The following PTPRM variants were observed in gnomAD, a reference collection of about 807,000 sequenced individuals.
The protein encoded by PTPRM is receptor-type tyrosine-protein phosphatase mu.
A neutral mutation model predicts 186.7 loss-of-function variants in PTPRM; 47 were observed. The ratio of observed to expected loss-of-function variants is 0.25; its 90% CI spans 0.20 to 0.32. The LOEUF (loss-of-function observed/expected upper bound fraction) is 0.32. PTPRM is among the 10% of genes least tolerant of loss of function. PTPRM has a pLI of 1.00. For missense variants in PTPRM, 1,494 were observed against 1,865.0 expected (o/e 0.80, Z 3.66); for synonymous variants, 668 against 674.9 (o/e 0.99, Z 0.16).
chr18:8,393,565 C>T lies in PTPRM; in HGVS notation c.4209-911C>T, dbSNP rs1011826541. ...TGGAGGAACTAGTAAGATGTGACTA[C>T]AGTCTGTGGTTTAGTTAATAGTATT... is the stretch of plus-strand genomic sequence containing the variant. On this transcript the variant is annotated intron_variant, in intron 31 of 32. Transcript: ENST00000580170. Among the ~76,000 whole-genome samples, 3 of 152,164 alleles carry T rather than the reference C, an allele frequency of 2.0e-5. No homozygotes were observed. In the East Asian group the frequency reaches 5.8e-4, roughly 29 times the overall value.
chr18:8,070,707 TG>T (rs1220547355), intron 8 of PTPRM, among the ~76,000 whole-genome samples: 1 of 152,236 alleles, frequency 6.6e-6, no homozygotes, highest in African/African-American at 2.4e-5. Flanking sequence ...GGAACCCTTG[TG>T]TGTAATGACA....
intron 2 of PTPRM, among the ~76,000 whole-genome samples, chr18:7,790,083 C>G (rs1049897657): frequency 6.6e-5 from 10 of 152,128 alleles, no homozygotes; most frequent in African/African-American, 2.4e-4. Flanking sequence ...TGCTGTTGCC[C>G]CAGGTGACTT....
intron 1 of PTPRM, among the ~76,000 whole-genome samples, chr18:7,763,193 T>C (rs2041859324): frequency 6.6e-6 from 1 of 152,210 alleles, no homozygotes; most frequent in Non-Finnish European, 1.5e-5. Context: ...TGATTTGGAT[T>C]TTGGACACAC....
intron 1 of PTPRM, among the ~76,000 whole-genome samples, chr18:7,719,405 G>C (rs958073020): frequency 6.6e-6 from 1 of 152,040 alleles, no homozygotes; most frequent in Non-Finnish European, 1.5e-5. Flanking sequence ...GAGGGTGTGG[G>C]TGATAAAAGA....
chr18:8,129,284 A>G (rs1318575340), intron 13 of PTPRM, among the ~76,000 whole-genome samples: 1 of 152,206 alleles, frequency 6.6e-6, no homozygotes, highest in Non-Finnish European at 1.5e-5. Flanking sequence ...AAAAATGAGA[A>G]AGGCTGAATG....
intron 1 of PTPRM, among the ~76,000 whole-genome samples, chr18:7,720,930 A>G (rs907466910): frequency 6.6e-6 from 1 of 152,126 alleles, no homozygotes; most frequent in Non-Finnish European, 1.5e-5. Context: ...TGATTCTGCA[A>G]TGAACATGGG....
intron 2 of PTPRM, among the ~76,000 whole-genome samples, chr18:7,801,659 AT>A (rs1162166298): frequency 1.3e-5 from 2 of 152,150 alleles, no homozygotes; most frequent in Non-Finnish European, 2.9e-5. Flanking sequence ...CATGTTCTGT[AT>A]TTTTACATGA....
intron 11 of PTPRM, among the ~76,000 whole-genome samples, chr18:8,097,000 A>G (rs550319632): frequency 6.6e-6 from 1 of 152,164 alleles, no homozygotes. Context: ...TTTCTGCTTC[A>G]TCCTATTTTG....
intron 2 of PTPRM, among the ~76,000 whole-genome samples, chr18:7,837,872 C>T (rs1162408550): frequency 3.9e-5 from 6 of 152,072 alleles, no homozygotes; most frequent in South Asian, 2.1e-4. Context: ...CATCTGTATC[C>T]GGGCATGGAA....
At chr18:7,576,477 AT>A (rs796372811) in intron 1 of PTPRM, among the ~76,000 whole-genome samples, 1 of 151,034 alleles carries the variant, frequency 6.6e-6, no homozygotes, top group Non-Finnish European at 1.5e-5. Context: ...TGTTTTTTTG[AT>A]TTTTTTTTCT....
intron 17 of PTPRM, 137 bp from the exon 18 acceptor site, chr18:8,252,351 A>C: frequency 1.3e-6 from 1 of 747,084 alleles, no homozygotes; most frequent in South Asian, 1.6e-5. Context: ...CCCTCTGACC[A>C]CCTCTGAATA....
chr18:8,387,735 A>AGAGTGT lies in PTPRM; in HGVS notation c.4208+501_4208+502insAGTGTG, dbSNP rs10630450. Among the ~76,000 whole-genome samples the AGAGTGT allele has an allele frequency of 3.3e-3, 495 of 151,372 alleles. 6 individuals carry two copies. Among genetic ancestry groups the AGAGTGT allele is most frequent in the South Asian group, 5.8e-3 (28 of 4,802 alleles). On this transcript the variant is annotated intron_variant, in intron 31 of 32. Coordinates refer to ENST00000580170, the MANE Select transcript of PTPRM (RefSeq NM_001105244.2). ...TCATGTCAGGTCTCAAAGGACCTGG[A>AGAGTGT]GTGTGTGTGTGTGCGTGTGTGCGTG...
At position 7,907,241 on chromosome 18, in the gene PTPRM, C is replaced by A. The variant is rs183286960; in HGVS notation, c.547+658C>A. On this transcript the variant is annotated intron_variant, in intron 4 of 32. Transcript: ENST00000580170. ...TCTGTTTCTCCCCAAACCCTGCCCC[C>A]CAGGGGCCACCACAGTGGTGAGCTG... Among the ~76,000 whole-genome samples the A allele has an allele frequency of 5.3e-3, 813 of 152,316 alleles. 9 individuals carry two copies. The highest frequency in any genetic ancestry group is 6.0e-3 in the Non-Finnish European group (408 of 68,034).
chr18:8,034,882 C>G (rs906466527), intron 7 of PTPRM, among the ~76,000 whole-genome samples: 2 of 152,146 alleles, frequency 1.3e-5, no homozygotes, highest in African/African-American at 4.8e-5. Context: ...TTTTCATAAG[C>G]CTAGTGGGTC....
chr18:7,984,334 G>A (rs543311241), intron 7 of PTPRM, among the ~76,000 whole-genome samples: 174 of 151,834 alleles, frequency 1.1e-3, no homozygotes, highest in African/African-American at 3.9e-3. Context: ...GGTTCAAAGA[G>A]GTTAAATGGT....
intron 7 of PTPRM, among the ~76,000 whole-genome samples, chr18:7,965,009 G>A (rs2053929428): frequency 6.7e-6 from 1 of 150,098 alleles, no homozygotes; most frequent in South Asian, 2.1e-4. Flanking sequence ...TAACTTTTTG[G>A]AGGGTTCTGC....
chr18:7,840,064 TGGGGTGGGGGGTGGGGTG>T (rs1295533501), intron 2 of PTPRM, among the ~76,000 whole-genome samples: 2 of 13,508 alleles, frequency 1.5e-4, no homozygotes, highest in Non-Finnish European at 1.4e-4. Flanking sequence ...GTGTATGGGG[TGGGGTGGGGGGTGGGGTG>T]GAGGTGGGGG....
At chr18:8,361,381 G>A (rs559174740) in intron 23 of PTPRM, among the ~76,000 whole-genome samples, 36 of 152,332 alleles carry the variant, frequency 2.4e-4, no homozygotes, top group Middle Eastern at 6.8e-3. Flanking sequence ...GATAGCAGAA[G>A]TGCTGGGGGA....
chr18:8,184,850 C>T (rs561924258), intron 14 of PTPRM, among the ~76,000 whole-genome samples: 27 of 152,248 alleles, frequency 1.8e-4, no homozygotes, highest in African/African-American at 6.3e-4. Flanking sequence ...GAGAGCGTCC[C>T]TTTGTCCTAG....
Sources: allele counts gnomAD v4.1 joint callset (sites outside exome capture counted in the v4.1 genomes callset), GRCh38; gene constraint gnomAD v4.1.1; transcripts MANE v1.5; gene names NCBI Gene and HGNC (gene_info 2026-07-23, HGNC 2026-07-21).